SPAG16: variants seen among roughly 807,000 people sequenced by gnomAD.
The protein encoded by SPAG16 is sperm associated antigen 16.
SPAG16 carries 86 observed loss-of-function variants against 80.4 expected under a neutral mutation model. The observed-to-expected ratio is 1.07, with a 90% confidence interval of 0.90 to 1.28. The LOEUF is 1.28. SPAG16 is among the 50% of genes most tolerant of loss of function. SPAG16 has a pLI of 0.00. For missense variants in SPAG16, 870 were observed against 765.3 expected (o/e 1.14, Z -1.61); for synonymous variants, 294 against 265.9 (o/e 1.11, Z -1.03).
intron 10 of SPAG16, among the ~76,000 whole-genome samples, chr2:213,843,976 AT>A (rs1261741341): frequency 6.6e-6 from 1 of 152,102 alleles, no homozygotes; most frequent in Non-Finnish European, 1.5e-5. Flanking sequence ...ATTTAGGACC[AT>A]TTGCAAAAGC....
intron 13 of SPAG16, among the ~76,000 whole-genome samples, chr2:214,047,198 T>C (rs187631467): frequency 3.3e-4 from 50 of 152,310 alleles, no homozygotes; most frequent in African/African-American, 1.1e-3. Flanking sequence ...AATATTCATA[T>C]GGAACCACAA....
Position 214,108,274 on chromosome 2 carries a change from C to G in SPAG16, c.1593+13C>G, listed in dbSNP as rs117619722. 2 of 1,596,670 alleles carry G rather than the reference C, an allele frequency of 1.3e-6. No individual in the cohort carries two copies. The highest frequency in any genetic ancestry group is 1.7e-6 in the Non-Finnish European group (2 of 1,167,828). On this transcript the variant is annotated intron_variant, in intron 14 of 15. Coordinates refer to ENST00000331683, the MANE Select transcript of SPAG16 (RefSeq NM_024532.5). ...TTTTGATCCCAGGGTAAGTTCAGTT[C>G]TCCCAGTAAACTGTTTTTAATGCTT...
At chr2:214,255,697 G>T (rs1031112972) in intron 15 of SPAG16, among the ~76,000 whole-genome samples, 2 of 151,798 alleles carry the variant, frequency 1.3e-5, no homozygotes, top group Non-Finnish European at 2.9e-5. Context: ...TCATTACCAG[G>T]GTGGTTTTCA....
intron 10 of SPAG16, among the ~76,000 whole-genome samples, chr2:213,620,711 A>G (rs1156436661): frequency 6.6e-6 from 1 of 152,198 alleles, no homozygotes; most frequent in Non-Finnish European, 1.5e-5. Context: ...TACACATTGT[A>G]TATATATACT....
intron 14 of SPAG16, among the ~76,000 whole-genome samples, chr2:214,141,204 C>T (rs2055338537): frequency 6.6e-6 from 1 of 152,042 alleles, no homozygotes; most frequent in African/African-American, 2.4e-5. Flanking sequence ...CACGGTGGCT[C>T]ATGCCCGTAA....
chr2:213,966,149 G>T (rs896728350), intron 12 of SPAG16, among the ~76,000 whole-genome samples: 5 of 152,144 alleles, frequency 3.3e-5, no homozygotes, highest in Non-Finnish European at 7.3e-5. Flanking sequence ...ACTAGACTGG[G>T]CTCTGGGAGA....
At chr2:213,737,777 C>T (rs982785284) in intron 10 of SPAG16, among the ~76,000 whole-genome samples, 1 of 152,068 alleles carries the variant, frequency 6.6e-6, no homozygotes, top group Non-Finnish European at 1.5e-5. Context: ...CGTGAGCCAC[C>T]GCGCCTGGCC....
chr2:214,350,502 T>C (rs1442246808), intron 15 of SPAG16, among the ~76,000 whole-genome samples: 1 of 152,230 alleles, frequency 6.6e-6, no homozygotes, highest in African/African-American at 2.4e-5. Context: ...TCTTTTGATA[T>C]GTAAGAGACA....
At chr2:213,911,083 C>A (rs145833924) in intron 11 of SPAG16, among the ~76,000 whole-genome samples, 8 of 152,220 alleles carry the variant, frequency 5.3e-5, no homozygotes, top group Admixed American at 5.2e-4. Flanking sequence ...AAAGTGATTA[C>A]CATCAATCTG....
intron 10 of SPAG16, among the ~76,000 whole-genome samples, chr2:213,654,605 T>G (rs891397076): frequency 7.0e-6 from 1 of 142,050 alleles, no homozygotes; most frequent in Non-Finnish European, 1.5e-5. Context: ...TAGTCCCAGC[T>G]ACTCGGGAGG....
chr2:213,767,815 G>T (rs2069022271), intron 10 of SPAG16, among the ~76,000 whole-genome samples: 1 of 151,976 alleles, frequency 6.6e-6, no homozygotes, highest in Non-Finnish European at 1.5e-5. Context: ...ACATTTATTG[G>T]GCAACAAATG....
intron 5 of SPAG16, among the ~76,000 whole-genome samples, chr2:213,337,497 T>G (rs576162966): frequency 1.3e-5 from 2 of 152,134 alleles, no homozygotes; most frequent in Non-Finnish European, 2.9e-5. Flanking sequence ...AGGAGCTGTT[T>G]ACCAACATAA....
chr2:214,408,037 A>G (rs1702096655), intron 15 of SPAG16, among the ~76,000 whole-genome samples: 1 of 152,318 alleles, frequency 6.6e-6, no homozygotes, highest in African/African-American at 2.4e-5. Flanking sequence ...CTGTTCTTGA[A>G]AAAACAAATT....
chr2:213,869,293 GTA>G (rs147322023), intron 11 of SPAG16, among the ~76,000 whole-genome samples: 19 of 29,880 alleles, frequency 6.4e-4, no homozygotes, highest in South Asian at 6.1e-3. Context: ...ATATATATAT[GTA>G]TATATATATA....
intron 10 of SPAG16, among the ~76,000 whole-genome samples, chr2:213,512,038 A>C (rs893365933): frequency 6.6e-6 from 1 of 152,126 alleles, no homozygotes; most frequent in Non-Finnish European, 1.5e-5. Context: ...ATAGAGAAGC[A>C]CAGATTATAT....
intron 12 of SPAG16, among the ~76,000 whole-genome samples, chr2:213,980,725 T>TATATATATAGAGAGAGAGAGAGAGAG (rs374274176): frequency 2.9e-5 from 3 of 104,026 alleles, no homozygotes; most frequent in African/African-American, 5.0e-5. Context: ...TATATATATA[T>TATATATATAGAGAGAGAGAGAGAGAG]AGAGAGAGAG....
intron 15 of SPAG16, among the ~76,000 whole-genome samples, chr2:214,212,695 C>T (rs1300313670): frequency 1.3e-5 from 2 of 152,228 alleles, no homozygotes; most frequent in Non-Finnish European, 2.9e-5. Context: ...ATCACCCCAG[C>T]TAGCTCTACT....
At chr2:213,346,861 T>A (rs1465658573) in intron 6 of SPAG16, among the ~76,000 whole-genome samples, 1 of 151,594 alleles carries the variant, frequency 6.6e-6, no homozygotes, top group Non-Finnish European at 1.5e-5. Flanking sequence ...TTGTTGTGTC[T>A]CTGCCAGGCT....
intron 10 of SPAG16, among the ~76,000 whole-genome samples, chr2:213,598,308 G>T (rs906993477): frequency 1.6e-4 from 24 of 152,032 alleles, no homozygotes; most frequent in African/African-American, 4.8e-4. Context: ...GGCCTCTATA[G>T]GTTCCATCAT....
Sources: allele counts gnomAD v4.1 joint callset (sites outside exome capture counted in the v4.1 genomes callset), GRCh38; gene constraint gnomAD v4.1.1; transcripts MANE v1.5; gene names NCBI Gene and HGNC (gene_info 2026-07-23, HGNC 2026-07-21).